ORC4: variants seen among roughly 807,000 people sequenced by gnomAD.
The protein encoded by ORC4 is origin recognition complex subunit 4, also known as origin recognition complex, subunit 4 homolog.
In ORC4, 55 loss-of-function variants were observed where a neutral mutation model predicts 63.9. That is an observed-to-expected ratio of 0.86 (90% CI 0.69 to 1.08). The LOEUF (loss-of-function observed/expected upper bound fraction) is 1.08. Among genes scored for constraint, ORC4 ranks in the 50% least tolerant of loss-of-function variants. The pLI is 0.00. For synonymous variants in ORC4, 150 were observed against 168.5 expected (o/e 0.89, Z 0.85); for missense variants, 511 against 504.4 (o/e 1.01, Z -0.13).
chr2:147,951,319 A>G (rs981464046), intron 8 of ORC4: 1 of 152,278 alleles, frequency 6.6e-6, no homozygotes, highest in Non-Finnish European at 1.5e-5. Flanking sequence ...ATGAGAAAAG[A>G]GACAACTTTG....
chr2:147,984,202 C>T (rs1322871643), intron 1 of ORC4, among the ~76,000 whole-genome samples: 1 of 152,144 alleles, frequency 6.6e-6, no homozygotes, highest in Non-Finnish European at 1.5e-5. Context: ...CTTCTACCTC[C>T]TCCACCTCTT....
At chr2:148,005,406 A>T (rs1692564149) in intron 1 of ORC4, among the ~76,000 whole-genome samples, 1 of 151,492 alleles carries the variant, frequency 6.6e-6, no homozygotes, top group South Asian at 2.1e-4. Context: ...CTGCTGGGGG[A>T]TGGGGGGGCT....
chr2:147,937,889 A>G (rs916013406), intron 13 of ORC4: 5 of 518,020 alleles, frequency 9.7e-6, no homozygotes, highest in South Asian at 4.4e-5. Flanking sequence ...TATATCACAC[A>G]CTATACTGAA....
At chr2:147,949,740 A>C (rs1688848573) in intron 8 of ORC4, among the ~76,000 whole-genome samples, 3 of 152,196 alleles carry the variant, frequency 2.0e-5, no homozygotes, top group Admixed American at 6.5e-5. Flanking sequence ...GCCTCAAAAT[A>C]ATACAGGAAT....
chr2:147,940,116 C>T (rs987108902), intron 10 of ORC4, among the ~76,000 whole-genome samples: 7 of 152,212 alleles, frequency 4.6e-5, no homozygotes, highest in African/African-American at 1.7e-4. Context: ...CCTAGATTGC[C>T]AGTGCTCCCT....
intron 13 of ORC4, among the ~76,000 whole-genome samples, chr2:147,937,640 G>C (rs982028317): frequency 6.6e-6 from 1 of 152,058 alleles, no homozygotes; most frequent in Non-Finnish European, 1.5e-5. Context: ...ACAGGTACTA[G>C]AAAATTTAAA....
chr2:147,977,469 A>C (rs1459905256), intron 1 of ORC4, among the ~76,000 whole-genome samples: 1 of 152,230 alleles, frequency 6.6e-6, no homozygotes, highest in Non-Finnish European at 1.5e-5. Flanking sequence ...AAATAGCAAC[A>C]ATAATTTCAC....
chr2:147,986,784 C>CACAT (rs1691222365), intron 1 of ORC4, among the ~76,000 whole-genome samples: 1 of 111,682 alleles, frequency 9.0e-6, no homozygotes. Context: ...CAGACACACA[C>CACAT]ACACATACAC....
In ORC4 at chr2:147,971,854, A is replaced by C. The variant is rs889764904; in HGVS notation, c.225+885T>G. ...TGAAATATTGAAAGAAATTACCTAG[A>C]TCTAAATTCTCAATTTATATTAAAC... On this transcript the variant is annotated intron_variant, in intron 4 of 13. Transcript: ENST00000392857. Among the ~76,000 whole-genome samples the C allele has an allele frequency of 2.6e-5, 4 of 152,058 alleles. No individual in the cohort carries two copies. The East Asian group carries it at 7.7e-4, about 29-fold the overall frequency.
chr2:147,952,402 T>C lies in ORC4; in HGVS notation c.559A>G (p.Ile187Val), dbSNP rs757275842. The C allele has an allele frequency of 5.0e-6, 8 of 1,609,636 alleles. No individual in the cohort carries two copies. In the South Asian group the frequency reaches 5.5e-5, roughly 11 times the overall value. Reference sequence around the variant, plus strand: ...CTACATGTAAGACCAATAACTGCTATTGGGGTCTGTGCAGACTGAGAAATG... The same window carrying C: ...CTACATGTAAGACCAATAACTGCTACTGGGGTCTGTGCAGACTGAGAAATG... ...FDISQSAQTP[I>V]AVIGLTCRLD... is the part of the protein sequence containing the mutation. The change falls in exon 8 of 14, where the codon ATA becomes GTA. Residue 187 changes from isoleucine to valine, a missense_variant. Coordinates refer to ENST00000392857, the MANE Select transcript of ORC4 (RefSeq NM_181741.4).
In ORC4 at chr2:147,932,742, C is replaced by T. The variant is rs182379399; in HGVS notation, c.*2768G>A. On this transcript the variant is annotated 3_prime_UTR_variant, in exon 14 of 14. Transcript: ENST00000392857. ...GTCACACAGTACACACCAATGGATT[C>T]TCAGATTTTCTAGGGTAAAGGTGAA... The T allele has an allele frequency of 1.3e-5, 2 of 152,202 alleles. No individual in the cohort carries two copies. The highest frequency in any genetic ancestry group is 2.9e-5 in the Non-Finnish European group (2 of 68,002). The allele number at this position is 152,202 out of a possible 1,614,324, so 9.4% of individuals were successfully genotyped here.
At chr2:147,958,586 A>T (rs1573788075) in intron 5 of ORC4, 5 of 581,220 alleles carry the variant, frequency 8.6e-6, no homozygotes, top group Non-Finnish European at 1.5e-5. Context: ...AAAAAAAACC[A>T]AAAAACCCAC....
intron 1 of ORC4, among the ~76,000 whole-genome samples, chr2:148,004,541 TG>T (rs1329039969): frequency 1.3e-5 from 2 of 152,134 alleles, no homozygotes; most frequent in Admixed American, 1.3e-4. Context: ...ATTTAATAAA[TG>T]GTGTTGGGAA....
chr2:147,986,309 A>T (rs1691198902), intron 1 of ORC4, among the ~76,000 whole-genome samples: 1 of 152,226 alleles, frequency 6.6e-6, no homozygotes, highest in African/African-American at 2.4e-5. Context: ...CAAGTTAATA[A>T]TAAACAAGCC....
chr2:148,004,204 AATG>A (rs1692481837), intron 1 of ORC4, among the ~76,000 whole-genome samples: 1 of 152,218 alleles, frequency 6.6e-6, no homozygotes, highest in Non-Finnish European at 1.5e-5. Context: ...TTATAGATTC[AATG>A]CTAAACCCAT....
At chr2:147,998,390 GC>G (rs1464526385) in intron 1 of ORC4, among the ~76,000 whole-genome samples, 5 of 152,194 alleles carry the variant, frequency 3.3e-5, no homozygotes, top group African/African-American at 1.2e-4. Flanking sequence ...ACGGGTAGAT[GC>G]CTCATAAATG....
intron 2 of ORC4, 36 bp from the exon 3 acceptor site, chr2:147,973,560 T>G (rs764084766): frequency 1.5e-5 from 17 of 1,118,592 alleles, no homozygotes; most frequent in African/African-American, 4.7e-5. Flanking sequence ...TAAATAAAAA[T>G]ATTACACATG....
intron 11 of ORC4, 148 bp downstream of exon 11, chr2:147,938,992 C>T (rs1303554501): frequency 4.9e-6 from 3 of 613,304 alleles, no homozygotes; most frequent in East Asian, 3.0e-5. Context: ...GTGATAGTAC[C>T]TTTAAAAGGA....
intron 1 of ORC4, among the ~76,000 whole-genome samples, chr2:147,996,465 G>A (rs558969566): frequency 1.3e-5 from 2 of 152,224 alleles, no homozygotes; most frequent in South Asian, 4.2e-4. Flanking sequence ...AAAAACTTCT[G>A]CTCTACCAAA....
Sources: allele counts gnomAD v4.1 joint callset (sites outside exome capture counted in the v4.1 genomes callset), GRCh38; gene constraint gnomAD v4.1.1; transcripts MANE v1.5; gene names NCBI Gene and HGNC (gene_info 2026-07-23, HGNC 2026-07-21).